The following COL5A1 variants were observed in gnomAD, a reference collection of about 807,000 sequenced individuals.
COL5A1 encodes the protein collagen alpha-1(V) chain.
In COL5A1, 16 loss-of-function variants were observed where a neutral mutation model predicts 263.7. The ratio of observed to expected loss-of-function variants is 0.06; its 90% CI spans 0.04 to 0.09. The LOEUF (loss-of-function observed/expected upper bound fraction) is 0.09, where lower values mean the gene tolerates loss of function less well. Among genes scored for constraint, COL5A1 ranks in the 10% least tolerant of loss-of-function variants. The probability of loss-of-function intolerance (pLI) is 1.00; values close to 1 mark genes in which losing one functional copy is unlikely to be tolerated. For synonymous variants in COL5A1, 1,012 were observed against 1,004.5 expected (o/e 1.01, Z -0.14); for missense variants, 2,036 against 2,540.5 (o/e 0.80, Z 4.27).
At chr9:134,648,103 G>A (rs1831536439) in intron 1 of COL5A1, among the ~76,000 whole-genome samples, 1 of 151,656 alleles carries the variant, frequency 6.6e-6, no homozygotes, top group Non-Finnish European at 1.5e-5. Flanking sequence ...AAAACATGAA[G>A]AGACGAGACT....
chr9:134,654,356 TG>T (rs1290717806), intron 1 of COL5A1, among the ~76,000 whole-genome samples: 3 of 99,190 alleles, frequency 3.0e-5, no homozygotes, highest in African/African-American at 4.1e-5. Flanking sequence ...TGTGTAGGGC[TG>T]GGAGTGTGTA....
intron 49 of COL5A1, among the ~76,000 whole-genome samples, chr9:134,814,421 C>A (rs1404127310): frequency 6.6e-6 from 1 of 152,320 alleles, no homozygotes; most frequent in East Asian, 1.9e-4. Context: ...GCTTTCAGGC[C>A]CAGGACCAGC....
chr9:134,714,568 T>A (rs939052064), intron 4 of COL5A1, among the ~76,000 whole-genome samples: 1 of 21,070 alleles, frequency 4.7e-5, no homozygotes, highest in African/African-American at 1.8e-4. Flanking sequence ...GTGGTGATAG[T>A]GATTTTGGTG....
rs1835901683 is a variant in COL5A1, at chr9:134,754,441, C to G, written c.1827+115C>G. ...CTGGGCCACATGAAGCCAGGTGGCTCCCCTTCTTGTGATGGGTGCGTCCAT... is the reference window on the plus strand; with the variant it reads ...CTGGGCCACATGAAGCCAGGTGGCTGCCCTTCTTGTGATGGGTGCGTCCAT... On this transcript the variant is annotated intron_variant, in intron 16 of 65. Coordinates refer to ENST00000371817, the MANE Select transcript of COL5A1 (RefSeq NM_000093.5). The surrounding 1 kb of genome is among the most constrained non-coding windows in gnomAD (Gnocchi z 4.3). 26 of 1,233,080 alleles carry G rather than the reference C, an allele frequency of 2.1e-5. No individual in the cohort carries two copies. In the South Asian group the frequency reaches 2.7e-4, roughly 13 times the overall value. 76.4% of individuals were successfully genotyped at this position (1,233,080 alleles called of 1,614,324 possible).
chr9:134,810,067 G>A (rs748543765), intron 43 of COL5A1, among the ~76,000 whole-genome samples, 188 bp from the exon 44 acceptor site: 9 of 152,286 alleles, frequency 5.9e-5, no homozygotes, highest in East Asian at 1.9e-4. Context: ...TCGAGACCTC[G>A]TCCCTTTTAG....
At chr9:134,738,628 G>T in intron 10 of COL5A1, 113 bp downstream of exon 10, 1 of 1,547,866 alleles carries the variant, frequency 6.5e-7, no homozygotes, top group South Asian at 1.1e-5. Flanking sequence ...CGCTTTTGCA[G>T]ATCCCCTGGG....
intron 9 of COL5A1, among the ~76,000 whole-genome samples, chr9:134,738,020 T>C (rs1588487701): frequency 1.3e-5 from 2 of 152,236 alleles, no homozygotes; most frequent in East Asian, 3.9e-4. Flanking sequence ...GGGACAGAAG[T>C]TCAGCCTGGA....
chr9:134,682,553 TG>T lies in COL5A1; in HGVS notation c.110-8355del, dbSNP rs764329421. ...ACTAGAATCCTACCACACTGCCTGG[TG>T]GGGTGGGGGAGAGCCTGCTGCCCAG... On this transcript the variant is annotated intron_variant, in intron 1 of 65. Coordinates refer to ENST00000371817, the MANE Select transcript of COL5A1 (RefSeq NM_000093.5). This position sits in a 1 kb window ranked among gnomAD's most constrained non-coding sequence, Gnocchi z 5.1. Among the ~76,000 whole-genome samples the T allele has an allele frequency of 3.9e-5, 6 of 152,054 alleles. No individual in the cohort carries two copies. In the South Asian group the frequency reaches 1.3e-3, roughly 32 times the overall value.
At chr9:134,730,760 G>T (rs574681258) in intron 7 of COL5A1, among the ~76,000 whole-genome samples, 3 of 152,230 alleles carry the variant, frequency 2.0e-5, no homozygotes, top group African/African-American at 7.2e-5. Flanking sequence ...TAGCCCTTCC[G>T]GTCTTTGAGG....
At chr9:134,779,491 G>A (rs1202639768) in intron 27 of COL5A1, among the ~76,000 whole-genome samples, 2 of 152,148 alleles carry the variant, frequency 1.3e-5, no homozygotes, top group Non-Finnish European at 2.9e-5. Flanking sequence ...ATGTTAACAC[G>A]GAGTTGAAAT....
chr9:134,766,965 G>A (rs1259555352), intron 22 of COL5A1, 35 bp from the exon 23 acceptor site: 2 of 1,598,614 alleles, frequency 1.3e-6, no homozygotes, highest in African/African-American at 1.3e-5. Context: ...AGTTCCCAGA[G>A]CCCCCTTCAG....
chr9:134,764,790 ACT>A (rs1031778278), intron 20 of COL5A1, among the ~76,000 whole-genome samples: 3 of 151,998 alleles, frequency 2.0e-5, no homozygotes, highest in African/African-American at 4.8e-5. Context: ...CATGAACTCC[ACT>A]CTCTCCTTAA....
At position 134,652,463 on chromosome 9, in the gene COL5A1, A is replaced by G. The variant is rs553416131; in HGVS notation, c.109+10167A>G. ...GCCAGTGTCATCCTCCTGCCCCTGA[A>G]ACAGGTGGACATCATGGCTTCTCAG... On this transcript the variant is annotated intron_variant, in intron 1 of 65. Transcript: ENST00000371817. The surrounding 1 kb of genome is among the most constrained non-coding windows in gnomAD (Gnocchi z 4.4). Among the ~76,000 whole-genome samples, 15 of 152,276 alleles carry G rather than the reference A, an allele frequency of 9.9e-5. No homozygotes were observed. The South Asian group carries it at 2.9e-3, about 29-fold the overall frequency.
intron 42 of COL5A1, among the ~76,000 whole-genome samples, chr9:134,808,525 C>T (rs1278470266): frequency 1.3e-5 from 2 of 152,100 alleles, no homozygotes; most frequent in African/African-American, 4.8e-5. Flanking sequence ...CAGTGTGCTT[C>T]TTTATATGTC....
intron 38 of COL5A1, among the ~76,000 whole-genome samples, chr9:134,802,634 G>C (rs1221804022): frequency 6.6e-6 from 1 of 152,232 alleles, no homozygotes; most frequent in African/African-American, 2.4e-5. Context: ...GCTTGGCCGT[G>C]CCTCCTGAAG....
In COL5A1 at chr9:134,652,432, A is replaced by G. The variant is rs1167623229; in HGVS notation, c.109+10136A>G. 6.6e-6 allele frequency among the ~76,000 whole-genome samples: 1 copy of G among 152,146 alleles called. No homozygotes were observed. The highest frequency in any genetic ancestry group is 1.5e-5 in the Non-Finnish European group (1 of 68,018). On this transcript the variant is annotated intron_variant, in intron 1 of 65. Coordinates refer to ENST00000371817, the MANE Select transcript of COL5A1 (RefSeq NM_000093.5). The surrounding 1 kb of genome is among the most constrained non-coding windows in gnomAD (Gnocchi z 4.4). ...AGGGCAGGGGAGCGACTGTCCTGCC[A>G]GGGATGCCAGTGTCATCCTCCTGCC... is the stretch of plus-strand genomic sequence containing the variant.
intron 34 of COL5A1, 33 bp from the exon 35 acceptor site, chr9:134,796,341 A>G (rs772997900): frequency 9.9e-6 from 16 of 1,610,884 alleles, no homozygotes; most frequent in Non-Finnish European, 3.4e-6. Flanking sequence ...AATAACAATC[A>G]TAAGCTTTTC....
At chr9:134,704,028 A>G (rs1383343276) in intron 4 of COL5A1, among the ~76,000 whole-genome samples, 2 of 152,136 alleles carry the variant, frequency 1.3e-5, no homozygotes, top group African/African-American at 4.8e-5. Context: ...AAGATTCAGG[A>G]AAAAGCTTTA....
chr9:134,676,968 C>T (rs1010475526), intron 1 of COL5A1, among the ~76,000 whole-genome samples: 3 of 152,200 alleles, frequency 2.0e-5, no homozygotes, highest in Non-Finnish European at 2.9e-5. Context: ...AGACTTGTCC[C>T]TTCCCTAAAG....
Sources: allele counts gnomAD v4.1 joint callset (sites outside exome capture counted in the v4.1 genomes callset), GRCh38; gene constraint gnomAD v4.1.1; non-coding constraint Gnocchi (gnomAD v3.1); transcripts MANE v1.5; gene names NCBI Gene and HGNC (gene_info 2026-07-23, HGNC 2026-07-21).